The following RSRC1 variants were observed in gnomAD, a reference collection of about 807,000 sequenced individuals.
RSRC1 encodes the protein serine/Arginine-related protein 53.
In RSRC1, 39 loss-of-function variants were observed where a neutral mutation model predicts 49.1. That is an observed-to-expected ratio of 0.79 (90% confidence interval 0.61 to 1.04). The LOEUF (loss-of-function observed/expected upper bound fraction) is 1.04, where lower values mean the gene tolerates loss of function less well. RSRC1 is among the 50% of genes least tolerant of loss of function. The pLI is 0.00. For synonymous variants in RSRC1, 143 were observed against 130.8 expected (o/e 1.09, Z -0.63); for missense variants, 388 against 402.4 (o/e 0.96, Z 0.31).
At chr3:158,136,479 A>G (rs2049225) in intron 3 of RSRC1, among the ~76,000 whole-genome samples, 3 of 152,090 alleles carry the variant, frequency 2.0e-5, no homozygotes, top group Admixed American at 1.3e-4. Context: ...ATTCTGTTGT[A>G]TATTTGTAAT....
At chr3:158,285,929 G>T (rs1252731277) in intron 4 of RSRC1, among the ~76,000 whole-genome samples, 1 of 152,164 alleles carries the variant, frequency 6.6e-6, no homozygotes, top group Non-Finnish European at 1.5e-5. Context: ...CCAACACTAT[G>T]TTGAATAGGA....
At chr3:158,297,923 A>C in intron 4 of RSRC1, 116 bp from the exon 5 acceptor site, 1 of 737,738 alleles carries the variant, frequency 1.4e-6, no homozygotes, top group South Asian at 1.7e-5. Context: ...AGTGTTATGA[A>C]CATAAGTAAA....
At position 158,348,010 on chromosome 3, in the gene RSRC1, A is replaced by G. The variant is rs531651070; in HGVS notation, c.532-6847A>G. 1.7e-4 allele frequency among the ~76,000 whole-genome samples: 26 copies of G among 152,330 alleles called. No homozygotes were observed. In the Middle Eastern group the frequency reaches 0.01, roughly 60 times the overall value. On this transcript the variant is annotated intron_variant, in intron 5 of 9. Coordinates refer to ENST00000611884, the MANE Select transcript of RSRC1 (RefSeq NM_001271838.2). ...AAATGGGGTATCCATCCCCTCAAGC[A>G]TTTATCCTCTGTGTTACAAACAATT... is the stretch of plus-strand genomic sequence containing the variant.
chr3:158,439,338 C>G (rs1220651401), intron 6 of RSRC1, among the ~76,000 whole-genome samples: 1 of 152,146 alleles, frequency 6.6e-6, no homozygotes, highest in Non-Finnish European at 1.5e-5. Context: ...GACTATAAAT[C>G]ATGCTGCTAT....
At chr3:158,226,220 G>C (rs985081667) in intron 4 of RSRC1, among the ~76,000 whole-genome samples, 3 of 151,916 alleles carry the variant, frequency 2.0e-5, no homozygotes, top group Non-Finnish European at 2.9e-5. Flanking sequence ...TCAAAGAGTT[G>C]TTGGTGGGGC....
intron 7 of RSRC1, among the ~76,000 whole-genome samples, chr3:158,511,364 A>G (rs1293545091): frequency 1.3e-5 from 2 of 152,030 alleles, no homozygotes; most frequent in Admixed American, 6.6e-5. Context: ...ACGAGTGAGA[A>G]TATGTGGTGT....
chr3:158,422,793 T>C (rs1172006451), intron 6 of RSRC1, among the ~76,000 whole-genome samples: 1 of 149,322 alleles, frequency 6.7e-6, no homozygotes, highest in Admixed American at 6.7e-5. Context: ...TGGTATCTCA[T>C]TGTGGTTTTG....
At chr3:158,191,906 C>T (rs1331167458) in intron 3 of RSRC1, among the ~76,000 whole-genome samples, 1 of 151,894 alleles carries the variant, frequency 6.6e-6, no homozygotes, top group Non-Finnish European at 1.5e-5. Flanking sequence ...GTTCATATGT[C>T]CAGGATGTGA....
chr3:158,464,030 A>G (rs1302722953), intron 7 of RSRC1, among the ~76,000 whole-genome samples: 1 of 151,944 alleles, frequency 6.6e-6, no homozygotes, highest in Non-Finnish European at 1.5e-5. Flanking sequence ...TTTTTTTCTA[A>G]TTCTAGATTA....
chr3:158,378,544 A>G (rs549069496), intron 6 of RSRC1, among the ~76,000 whole-genome samples: 1 of 152,232 alleles, frequency 6.6e-6, no homozygotes, highest in Non-Finnish European at 1.5e-5. Context: ...ATTGTAACTT[A>G]CTTTCACCTA....
chr3:158,333,446 A>G (rs1729677415), intron 5 of RSRC1, among the ~76,000 whole-genome samples: 1 of 152,234 alleles, frequency 6.6e-6, no homozygotes, highest in African/African-American at 2.4e-5. Context: ...TATTTAAATA[A>G]AATTATTTTT....
At chr3:158,443,107 C>G (rs369480836) in intron 6 of RSRC1, among the ~76,000 whole-genome samples, 4 of 152,216 alleles carry the variant, frequency 2.6e-5, no homozygotes. Context: ...GTAGATTTAG[C>G]ATCATTCTTA....
chr3:158,132,948 T>A (rs1433782781), intron 3 of RSRC1, among the ~76,000 whole-genome samples: 1 of 152,168 alleles, frequency 6.6e-6, no homozygotes, highest in Non-Finnish European at 1.5e-5. Flanking sequence ...TTCTTGGAAA[T>A]CCTCTAGTTT....
At chr3:158,163,096 TG>T (rs905465612) in intron 3 of RSRC1, among the ~76,000 whole-genome samples, 17 of 152,248 alleles carry the variant, frequency 1.1e-4, no homozygotes, top group African/African-American at 3.4e-4. Context: ...CTTCATCTCA[TG>T]GGTTCGAGTG....
chr3:158,312,409 G>A (rs1023815304), intron 5 of RSRC1, among the ~76,000 whole-genome samples: 2 of 152,148 alleles, frequency 1.3e-5, no homozygotes, highest in Non-Finnish European at 2.9e-5. Flanking sequence ...CTAGGTGATA[G>A]ATATGGAATG....
At chr3:158,394,409 T>G (rs1428958812) in intron 6 of RSRC1, among the ~76,000 whole-genome samples, 1 of 152,088 alleles carries the variant, frequency 6.6e-6, no homozygotes, top group Non-Finnish European at 1.5e-5. Context: ...AATCCCATAG[T>G]CTTAGCTCCA....
chr3:158,290,246 C>G (rs1034913356), intron 4 of RSRC1, among the ~76,000 whole-genome samples: 5 of 151,742 alleles, frequency 3.3e-5, no homozygotes, highest in African/African-American at 1.2e-4. Flanking sequence ...AATAGTAGAG[C>G]TGAAATTAGA....
chr3:158,312,632 A>G (rs1248624198), intron 5 of RSRC1, among the ~76,000 whole-genome samples: 1 of 152,196 alleles, frequency 6.6e-6, no homozygotes, highest in East Asian at 1.9e-4. Flanking sequence ...TAGCAATTAA[A>G]AGAATAATCA....
At chr3:158,464,605 C>T (rs985340453) in intron 7 of RSRC1, among the ~76,000 whole-genome samples, 13 of 146,730 alleles carry the variant, frequency 8.9e-5, no homozygotes, top group Non-Finnish European at 9.0e-5. Context: ...TCAAATCTTG[C>T]CAGAGCTGAT....
Sources: gnomAD v4.1 joint callset for allele counts (sites outside exome capture counted in the v4.1 genomes callset) on GRCh38, gnomAD v4.1.1 for gene constraint, MANE v1.5 for transcripts, NCBI Gene and HGNC (gene_info 2026-07-23, HGNC 2026-07-21) for gene names.